Variants in COL19A1 observed in about 807,000 individuals in gnomAD.
COL19A1 encodes collagen type XIX alpha 1 chain.
In COL19A1, 159 loss-of-function variants were observed where a neutral mutation model predicts 190.2. That is an observed-to-expected ratio of 0.84 (90% CI 0.73 to 0.95). The LOEUF is 0.95. Among genes scored for constraint, COL19A1 ranks in the 40% least tolerant of loss-of-function variants. COL19A1 has a pLI of 0.00. For missense variants in COL19A1, 1,418 were observed against 1,431.9 expected (o/e 0.99, Z 0.16); for synonymous variants, 509 against 458.9 (o/e 1.11, Z -1.39).
chr6:70,051,721 C>T (rs982042093), intron 14 of COL19A1, among the ~76,000 whole-genome samples: 11 of 150,786 alleles, frequency 7.3e-5, no homozygotes, highest in Non-Finnish European at 1.6e-4. Context: ...TGGAAAGACC[C>T]ATTGTCTCTC....
At chr6:70,180,802 C>T (rs1208619477) in intron 44 of COL19A1, among the ~76,000 whole-genome samples, 1 of 152,134 alleles carries the variant, frequency 6.6e-6, no homozygotes, top group Non-Finnish European at 1.5e-5. Context: ...TCTCAACAGA[C>T]TTAAAGAAAA....
intron 14 of COL19A1, among the ~76,000 whole-genome samples, chr6:70,057,959 A>G (rs1780601817): frequency 6.6e-6 from 1 of 152,058 alleles, no homozygotes; most frequent in African/African-American, 2.4e-5. Flanking sequence ...GAAAGTGAGG[A>G]CATACACAAC....
At chr6:69,867,601 C>G (rs1181302398) in intron 1 of COL19A1, 3 of 152,320 alleles carry the variant, frequency 2.0e-5, no homozygotes, top group Non-Finnish European at 2.9e-5. Context: ...CCAAGCACGC[C>G]GTCGGGCACG....
Position 70,149,842 on chromosome 6 carries a change from CT to C in COL19A1, c.1930-5del. ...ATAAGTAACTGTTTTTATTTCCCTC[CT>C]TTTCCAGGGTCCTCGAGGTCTCCCT... On this transcript the variant is annotated splice_polypyrimidine_tract_variant and splice_region_variant and intron_variant, in intron 28 of 50. Coordinates refer to ENST00000620364, the MANE Select transcript of COL19A1 (RefSeq NM_001858.6). 1.9e-6 allele frequency: 3 copies of C among 1,613,614 alleles called. No homozygotes were observed. The highest frequency in any genetic ancestry group is 2.5e-6 in the Non-Finnish European group (3 of 1,179,764).
intron 11 of COL19A1, among the ~76,000 whole-genome samples, chr6:70,009,613 A>G (rs1291324991): frequency 6.6e-6 from 1 of 152,162 alleles, no homozygotes; most frequent in African/African-American, 2.4e-5. Context: ...TCATGTGTAA[A>G]TGCAAATGAC....
At chr6:70,198,819 GT>G (rs1767370408) in intron 48 of COL19A1, among the ~76,000 whole-genome samples, 1 of 152,106 alleles carries the variant, frequency 6.6e-6, no homozygotes, top group Non-Finnish European at 1.5e-5. Context: ...TTGCTTAATT[GT>G]ATGGATCTGG....
Position 69,883,397 on chromosome 6 carries a change from G to A in COL19A1, c.91+3739G>A, listed in dbSNP as rs149863678. On this transcript the variant is annotated intron_variant, in intron 2 of 50. Transcript: ENST00000620364. ...ACCTTTGCCATGTAGGACCCTTCCC[G>A]GATATCAGGTGGACAGGCAGGCTTC... 2.4e-4 allele frequency among the ~76,000 whole-genome samples: 37 copies of A among 152,252 alleles called. No homozygotes were observed. In the East Asian group the frequency reaches 6.7e-3, roughly 28 times the overall value.
intron 12 of COL19A1, among the ~76,000 whole-genome samples, chr6:70,028,033 G>A (rs911901779): frequency 5.9e-5 from 9 of 152,028 alleles, no homozygotes; most frequent in South Asian, 2.1e-4. Flanking sequence ...TTTGCACCAC[G>A]GAATGATAAT....
chr6:70,168,156 C>T lies in COL19A1; in HGVS notation c.2497-15C>T. The T allele has an allele frequency of 3.7e-6, 6 of 1,612,128 alleles. No individual in the cohort carries two copies. Among genetic ancestry groups the T allele is most frequent in the Non-Finnish European group, 5.1e-6 (6 of 1,179,084 alleles). ...CATCTTTCTCTTTTTCTTTTCTTTT[C>T]ATTTTCTTTTGAAGGGAGGTGTGAA... On this transcript the variant is annotated splice_polypyrimidine_tract_variant and intron_variant, in intron 38 of 50. Transcript: ENST00000620364.
chr6:70,076,733 C>G lies in COL19A1; in HGVS notation c.1224+8257C>G, dbSNP rs958746132. ...AAGCCGGAAGCACTTTAAATGCACT[C>G]TGGTGACAGGTGTTCTATGAAGGAG... On this transcript the variant is annotated intron_variant, in intron 15 of 50. Transcript: ENST00000620364. Among the ~76,000 whole-genome samples the G allele has an allele frequency of 5.9e-5, 9 of 152,302 alleles. No homozygotes were observed. The South Asian group carries it at 8.3e-4, about 14-fold the overall frequency.
At chr6:69,945,895 G>A (rs1031479408) in intron 9 of COL19A1, among the ~76,000 whole-genome samples, 7 of 152,008 alleles carry the variant, frequency 4.6e-5, no homozygotes, top group East Asian at 1.9e-4. Flanking sequence ...CCACTGTTTC[G>A]AGGATAAATT....
chr6:69,931,070 A>G (rs1231264515), intron 6 of COL19A1, among the ~76,000 whole-genome samples: 1 of 152,174 alleles, frequency 6.6e-6, no homozygotes, highest in African/African-American at 2.4e-5. Context: ...CTTTGAATGG[A>G]TTAATTTTTC....
chr6:69,879,841 C>T, intron 2 of COL19A1, 183 bp downstream of exon 2: 2 of 600,526 alleles, frequency 3.3e-6, no homozygotes, highest in South Asian at 2.3e-5. Context: ...AAAATTACCT[C>T]ATTTTTTTCA....
chr6:70,144,761 ATAT>A (rs563095108), intron 24 of COL19A1, among the ~76,000 whole-genome samples, 154 bp from the exon 25 acceptor site: 40 of 152,302 alleles, frequency 2.6e-4, no homozygotes, highest in African/African-American at 9.4e-4. Context: ...TACTCAATAA[ATAT>A]TATTGAGTGA....
chr6:69,873,454 A>G (rs754450866), intron 1 of COL19A1, among the ~76,000 whole-genome samples: 2 of 152,186 alleles, frequency 1.3e-5, no homozygotes, highest in African/African-American at 4.8e-5. Context: ...CAAGCTGCAG[A>G]TGGACCCAAG....
At chr6:70,162,033 C>CT in intron 35 of COL19A1, 80 bp downstream of exon 35, 1 of 1,294,900 alleles carries the variant, frequency 7.7e-7, no homozygotes, top group South Asian at 1.5e-5. Context: ...TCTTCATTGC[C>CT]TTTTGTTCTC....
intron 4 of COL19A1, among the ~76,000 whole-genome samples, chr6:69,910,281 C>T (rs998635410): frequency 1.3e-5 from 2 of 152,134 alleles, no homozygotes; most frequent in African/African-American, 4.8e-5. Flanking sequence ...ATATGATTTA[C>T]AAAGTAATTT....
intron 2 of COL19A1, among the ~76,000 whole-genome samples, chr6:69,898,584 T>A (rs1165626484): frequency 6.6e-6 from 1 of 152,204 alleles, no homozygotes; most frequent in Non-Finnish European, 1.5e-5. Flanking sequence ...AAAGTTGTGA[T>A]AAAATATAGT....
chr6:69,959,327 A>G (rs1327730526), intron 9 of COL19A1, among the ~76,000 whole-genome samples: 1 of 152,188 alleles, frequency 6.6e-6, no homozygotes, highest in Non-Finnish European at 1.5e-5. Flanking sequence ...CAATCACCAG[A>G]TATGGGTAAT....
Sources: allele counts gnomAD v4.1 joint callset (sites outside exome capture counted in the v4.1 genomes callset), GRCh38; gene constraint gnomAD v4.1.1; transcripts MANE v1.5; gene names NCBI Gene and HGNC (gene_info 2026-07-23, HGNC 2026-07-21).